Variants in RFX3 observed in about 807,000 individuals in gnomAD.
The protein encoded by RFX3 is regulatory factor X3, also known as transcription factor RFX3.
Under a neutral mutation model 98.6 loss-of-function variants are expected in RFX3, and 14 were observed. The ratio of observed to expected loss-of-function variants is 0.14; its 90% CI spans 0.09 to 0.22. The LOEUF is 0.22. Among genes scored for constraint, RFX3 ranks in the 10% least tolerant of loss-of-function variants. RFX3 has a pLI of 1.00. For missense variants in RFX3, 639 were observed against 926.9 expected (o/e 0.69, Z 4.03); for synonymous variants, 383 against 328.4 (o/e 1.17, Z -1.80).
rs151027370 is a variant in RFX3, at chr9:3,279,078, AT to A, written c.852-1618del. ...TTATTAAAAATTTAATGTTTTTCTG[AT>A]TTTTTTTTCCTCCTTAAAGAATCAT... On this transcript the variant is annotated intron_variant, in intron 7 of 16. Coordinates refer to ENST00000617270, the MANE Select transcript of RFX3 (RefSeq NM_001282116.2). 9.2e-3 allele frequency among the ~76,000 whole-genome samples: 1,397 copies of A among 151,340 alleles called. 34 individuals are homozygous for A. Among genetic ancestry groups the A allele is most frequent in the African/African-American group, 0.031 (1,300 of 41,358 alleles).
intron 1 of RFX3, among the ~76,000 whole-genome samples, chr9:3,443,700 T>C (rs918390576): frequency 5.3e-5 from 8 of 152,210 alleles, no homozygotes; most frequent in Admixed American, 3.3e-4. Context: ...GAATGATTTA[T>C]ATTCCCTTGG....
At chr9:3,372,416 G>A (rs1185083232) in intron 2 of RFX3, among the ~76,000 whole-genome samples, 1 of 152,000 alleles carries the variant, frequency 6.6e-6, no homozygotes, top group Non-Finnish European at 1.5e-5. Flanking sequence ...TATTTCCAGG[G>A]ATCACCTCCC....
chr9:3,421,511 G>A (rs1249266760), intron 1 of RFX3, among the ~76,000 whole-genome samples: 2 of 152,188 alleles, frequency 1.3e-5, no homozygotes, highest in African/African-American at 4.8e-5. Context: ...GACAGAAGGT[G>A]CGTGCATTTT....
At chr9:3,294,321 G>A (rs367580158) in intron 5 of RFX3, among the ~76,000 whole-genome samples, 37 of 152,132 alleles carry the variant, frequency 2.4e-4, no homozygotes, top group African/African-American at 8.4e-4. Flanking sequence ...AAATTTTCAT[G>A]CCATATGTAA....
At chr9:3,309,939 G>GT (rs1829768508) in intron 4 of RFX3, among the ~76,000 whole-genome samples, 1 of 152,156 alleles carries the variant, frequency 6.6e-6, no homozygotes, top group South Asian at 2.1e-4. Flanking sequence ...AAGACTGAAG[G>GT]TGGAGGATCA....
At position 3,221,494 on chromosome 9, in the gene RFX3, T is replaced by C. The variant is rs1439315670; in HGVS notation, c.*3548A>G. The C allele has an allele frequency of 1.3e-5, 2 of 152,162 alleles. No individual in the cohort carries two copies. Among genetic ancestry groups the C allele is most frequent in the East Asian group, 3.8e-4 (2 of 5,202 alleles). The allele number at this position is 152,162 out of a possible 1,614,324, so 9.4% of individuals were successfully genotyped here. Reference sequence around the variant, plus strand: ...CTAAATTTTACTTTTGTTTTTAAAGTACACCATCTAAAGAGAGGTGCATAA... The same window carrying C: ...CTAAATTTTACTTTTGTTTTTAAAGCACACCATCTAAAGAGAGGTGCATAA... On this transcript the variant is annotated 3_prime_UTR_variant, in exon 17 of 17. Transcript: ENST00000617270.
chr9:3,368,857 T>G (rs1227423177), intron 2 of RFX3, among the ~76,000 whole-genome samples: 1 of 152,246 alleles, frequency 6.6e-6, no homozygotes, highest in African/African-American at 2.4e-5. Context: ...ATAACTAGCT[T>G]CCTTGCAAAA....
intron 3 of RFX3, among the ~76,000 whole-genome samples, chr9:3,337,475 C>A (rs1194733970): frequency 5.9e-5 from 9 of 152,274 alleles, no homozygotes. Context: ...CAACTTAGGA[C>A]TCAAATAACC....
chr9:3,415,664 G>T (rs937395289), intron 1 of RFX3, among the ~76,000 whole-genome samples: 1 of 152,058 alleles, frequency 6.6e-6, no homozygotes, highest in Non-Finnish European at 1.5e-5. Flanking sequence ...TCTGTACACA[G>T]TCTCCCTGAA....
At position 3,360,815 on chromosome 9, in the gene RFX3, A is replaced by G. The variant is rs1457007857; in HGVS notation, c.118-14051T>C. Among the ~76,000 whole-genome samples the G allele has an allele frequency of 2.0e-5, 3 of 152,220 alleles. No individual in the cohort carries two copies. The East Asian group carries it at 5.8e-4, about 29-fold the overall frequency. ...TGAGGACAAATTTATACAATATGTT[A>G]TTTCGGATGTGCTTCAAGAAAAATA... On this transcript the variant is annotated intron_variant, in intron 2 of 16. Coordinates refer to ENST00000617270, the MANE Select transcript of RFX3 (RefSeq NM_001282116.2).
intron 1 of RFX3, among the ~76,000 whole-genome samples, chr9:3,505,810 T>C (rs1339575904): frequency 6.6e-6 from 1 of 150,738 alleles, no homozygotes; most frequent in Non-Finnish European, 1.5e-5. Flanking sequence ...CATTTGTTTT[T>C]TCCATAGCAT....
intron 1 of RFX3, among the ~76,000 whole-genome samples, chr9:3,512,365 T>C (rs1817741718): frequency 6.6e-6 from 1 of 151,948 alleles, no homozygotes; most frequent in African/African-American, 2.4e-5. Context: ...ACTACTCCAG[T>C]GTAAGTTTTA....
intron 1 of RFX3, among the ~76,000 whole-genome samples, chr9:3,492,662 G>A (rs1453863899): frequency 6.6e-6 from 1 of 152,150 alleles, no homozygotes; most frequent in Non-Finnish European, 1.5e-5. Context: ...GGCATGCTAT[G>A]GCAAAGAGCC....
At chr9:3,434,702 C>T (rs1171775326) in intron 1 of RFX3, among the ~76,000 whole-genome samples, 2 of 152,096 alleles carry the variant, frequency 1.3e-5, no homozygotes, top group African/African-American at 2.4e-5. Flanking sequence ...TCCTTCTGCA[C>T]TCCAAATGCC....
At chr9:3,262,334 T>C (rs1411998704) in intron 13 of RFX3, among the ~76,000 whole-genome samples, 2 of 152,154 alleles carry the variant, frequency 1.3e-5, no homozygotes, top group African/African-American at 4.8e-5. Flanking sequence ...AAGTGGGTAA[T>C]GTGATCACAA....
intron 1 of RFX3, among the ~76,000 whole-genome samples, chr9:3,399,856 G>T (rs1399630425): frequency 2.6e-5 from 4 of 151,728 alleles, no homozygotes; most frequent in African/African-American, 9.7e-5. Context: ...GGCTGCAGCA[G>T]GAGAGTCACT....
chr9:3,368,591 A>G lies in RFX3; in HGVS notation c.118-21827T>C, dbSNP rs1837473064. Among the ~76,000 whole-genome samples, 6 of 152,294 alleles carry G rather than the reference A, an allele frequency of 3.9e-5. 1 individual carries two copies. In the South Asian group the frequency reaches 1.2e-3, roughly 32 times the overall value. The stretch of plus-strand genomic sequence containing the variant: ...GACAGGGATATCATTTCCTTAACTG[A>G]TTTTCTTTGACATCTCCGTGGTTTT... On this transcript the variant is annotated intron_variant, in intron 2 of 16. Coordinates refer to ENST00000617270, the MANE Select transcript of RFX3 (RefSeq NM_001282116.2).
At chr9:3,326,965 G>T (rs556935327) in intron 4 of RFX3, among the ~76,000 whole-genome samples, 2 of 152,176 alleles carry the variant, frequency 1.3e-5, no homozygotes, top group South Asian at 4.1e-4. Flanking sequence ...TGCTACTATT[G>T]CACAGTAGGC....
At chr9:3,512,870 C>A (rs1817781679) in intron 1 of RFX3, among the ~76,000 whole-genome samples, 1 of 152,146 alleles carries the variant, frequency 6.6e-6, no homozygotes, top group African/African-American at 2.4e-5. Context: ...CTACTAATTT[C>A]ATTCAACTCC....
Sources: gnomAD v4.1 joint callset for allele counts (sites outside exome capture counted in the v4.1 genomes callset) on GRCh38, gnomAD v4.1.1 for gene constraint, MANE v1.5 for transcripts, NCBI Gene and HGNC (gene_info 2026-07-23, HGNC 2026-07-21) for gene names.